The following GLIS3 variants were observed in gnomAD, a reference collection of about 807,000 sequenced individuals.
GLIS3 encodes GLIS family zinc finger 3, also known as zinc finger protein GLIS3.
Under a neutral mutation model 78.6 loss-of-function variants are expected in GLIS3, and 53 were observed. That is an observed-to-expected ratio of 0.67 (90% confidence interval 0.54 to 0.85). The LOEUF (loss-of-function observed/expected upper bound fraction) is 0.85, where lower values mean the gene tolerates loss of function less well. GLIS3 is among the 40% of genes least tolerant of loss of function. The probability of loss-of-function intolerance (pLI) is 0.00; values close to 1 mark genes in which losing one functional copy is unlikely to be tolerated. For missense variants in GLIS3, 1,703 were observed against 1,231.1 expected, an observed-to-expected ratio of 1.38 and a Z score of -5.74; for synonymous variants, 684 against 509.9, an observed-to-expected ratio of 1.34 and a Z score of -4.60.
chr9:3,889,043 G>C lies in GLIS3; in HGVS notation c.2129-9448C>G, dbSNP rs534505189. Reference sequence around the variant, plus strand: ...AATTTATGTGTCTAGGAGAGGCTTAGATTTTCGAAAACATAACCCTTGATA... The same window carrying C: ...AATTTATGTGTCTAGGAGAGGCTTACATTTTCGAAAACATAACCCTTGATA... On this transcript the variant is annotated intron_variant, in intron 7 of 10. Coordinates refer to ENST00000381971, the MANE Select transcript of GLIS3 (RefSeq NM_001042413.2). Among the ~76,000 whole-genome samples, 3 of 152,244 alleles carry C rather than the reference G, an allele frequency of 2.0e-5. No individual in the cohort carries two copies. The East Asian group carries it at 5.8e-4, about 29-fold the overall frequency.
chr9:4,269,539 C>T (rs1056566405), intron 2 of GLIS3, among the ~76,000 whole-genome samples: 2 of 152,164 alleles, frequency 1.3e-5, no homozygotes, highest in African/African-American at 4.8e-5. Context: ...AAACGATCTA[C>T]TTAAATCATC....
chr9:4,159,072 C>T (rs151037307), intron 2 of GLIS3, among the ~76,000 whole-genome samples: 3,230 of 147,674 alleles, frequency 0.022, 53 homozygotes, highest in Non-Finnish European at 0.03. Flanking sequence ...GCAATGTACT[C>T]GGCAAGGGAG....
chr9:4,363,172 C>G, the GLIS3 span, among the ~76,000 whole-genome samples: 99 of 152,238 alleles, frequency 6.5e-4, 1 homozygote, highest in African/African-American at 2.2e-3. Context: ...CATGTAATCT[C>G]AGCACTTTGG....
chr9:3,836,711 A>C (rs1451916157), intron 9 of GLIS3, among the ~76,000 whole-genome samples: 2 of 152,168 alleles, frequency 1.3e-5, no homozygotes, highest in Admixed American at 6.5e-5. Flanking sequence ...GGTATCCCCT[A>C]AGACCCAGCA....
chr9:4,485,356 T>C, the GLIS3 span, among the ~76,000 whole-genome samples: 3 of 152,094 alleles, frequency 2.0e-5, no homozygotes, highest in African/African-American at 7.2e-5. Flanking sequence ...CTTGGATTTC[T>C]GAGGACTGGC....
Position 4,118,767 on chromosome 9 carries a change from G to A in GLIS3, c.711C>T (p.Leu237=). ...GGCCATTCTGAGAGCCGTGGTTGGA[G>A]AGCGAAGGGAGGGCCCTGTAGCCCT... ...WSQGYRALPS[L]SNHGSQNGLD... is the part of the protein sequence containing the mutation. Residue 237 remains leucine (L), a synonymous_variant, in exon 4 of 11, where the codon CTC becomes CTT. Coordinates refer to ENST00000381971, the MANE Select transcript of GLIS3 (RefSeq NM_001042413.2). This position sits in a 1 kb window ranked among gnomAD's most constrained non-coding sequence, Gnocchi z 4.7. 1 of 1,613,290 alleles carries A rather than the reference G, an allele frequency of 6.2e-7. No individual in the cohort carries two copies. Among genetic ancestry groups the A allele is most frequent in the Non-Finnish European group, 8.5e-7 (1 of 1,180,026 alleles).
intron 1 of GLIS3, among the ~76,000 whole-genome samples, chr9:4,297,376 G>T (rs1036974849): frequency 6.6e-6 from 1 of 152,160 alleles, no homozygotes; most frequent in South Asian, 2.1e-4. Context: ...CGTCTCTGGG[G>T]CTCGGTTTCC....
intron 4 of GLIS3, among the ~76,000 whole-genome samples, chr9:3,962,326 T>G (rs1817622531): frequency 6.6e-6 from 1 of 151,998 alleles, no homozygotes; most frequent in African/African-American, 2.4e-5. Flanking sequence ...AATAATTGGC[T>G]GCAACTAAGT....
chr9:3,833,043 G>A (rs1285849243), intron 9 of GLIS3, among the ~76,000 whole-genome samples: 2 of 152,186 alleles, frequency 1.3e-5, no homozygotes, highest in African/African-American at 2.4e-5. Context: ...GGTTTGTGAT[G>A]TGGCAAAATA....
rs542326051 is a variant in GLIS3, at chr9:4,065,904, T to C, written c.1710+51864A>G. Among the ~76,000 whole-genome samples, 5 of 152,142 alleles carry C rather than the reference T, an allele frequency of 3.3e-5. No individual in the cohort carries two copies. In the South Asian group the frequency reaches 8.3e-4, roughly 25 times the overall value. On this transcript the variant is annotated intron_variant, in intron 4 of 10. Coordinates refer to ENST00000381971, the MANE Select transcript of GLIS3 (RefSeq NM_001042413.2). The stretch of plus-strand genomic sequence containing the variant: ...GCTAAGAAGACCGTAATTTTAAATA[T>C]AAGATTAAAACAAGGATAGGAAAAT...
intron 4 of GLIS3, among the ~76,000 whole-genome samples, chr9:4,076,169 A>C (rs1240481459): frequency 6.6e-6 from 1 of 152,240 alleles, no homozygotes; most frequent in Non-Finnish European, 1.5e-5. Context: ...ATACATTTTA[A>C]ATCTGTAGAG....
At chr9:4,003,616 C>G (rs1821295714) in intron 4 of GLIS3, among the ~76,000 whole-genome samples, 2 of 152,196 alleles carry the variant, frequency 1.3e-5, no homozygotes. Flanking sequence ...TTGAGTGTCT[C>G]TAAGTCTCTC....
intron 4 of GLIS3, among the ~76,000 whole-genome samples, chr9:3,985,693 A>G (rs952566660): frequency 6.6e-6 from 1 of 152,254 alleles, no homozygotes; most frequent in African/African-American, 2.4e-5. Flanking sequence ...GTAATAAAAA[A>G]TTTTAGCAAA....
chr9:3,968,353 G>C (rs1451902313), intron 4 of GLIS3, among the ~76,000 whole-genome samples: 2 of 152,058 alleles, frequency 1.3e-5, no homozygotes, highest in Non-Finnish European at 2.9e-5. Flanking sequence ...CAATACTCAT[G>C]GTAGCCTAAT....
At chr9:4,312,003 G>T (rs1222832439) in intron 2 of GLIS3, among the ~76,000 whole-genome samples, 1 of 152,200 alleles carries the variant, frequency 6.6e-6, no homozygotes, top group East Asian at 1.9e-4. Context: ...GTGGGAGGAG[G>T]AAGAGGAGCA....
chr9:3,894,719 A>AT (rs3061590), intron 7 of GLIS3, among the ~76,000 whole-genome samples: 9 of 151,266 alleles, frequency 5.9e-5, no homozygotes, highest in African/African-American at 1.7e-4. Flanking sequence ...CAAAACATCT[A>AT]TTTTTTTTTT....
At chr9:4,066,510 C>G (rs1309098231) in intron 4 of GLIS3, among the ~76,000 whole-genome samples, 1 of 152,210 alleles carries the variant, frequency 6.6e-6, no homozygotes, top group Non-Finnish European at 1.5e-5. Flanking sequence ...CCACTTCTCT[C>G]CCTACTACTC....
At chr9:4,078,388 G>C (rs186490639) in intron 4 of GLIS3, among the ~76,000 whole-genome samples, 13 of 125,580 alleles carry the variant, frequency 1.0e-4, no homozygotes, top group African/African-American at 3.9e-4. Context: ...TTCAGCAGGG[G>C]TTTGTCTGAC....
chr9:4,274,472 AC>A (rs1172230816), intron 2 of GLIS3, among the ~76,000 whole-genome samples: 1 of 152,082 alleles, frequency 6.6e-6, no homozygotes, highest in Non-Finnish European at 1.5e-5. Context: ...TATGGGGCAC[AC>A]ACACCCCACT....
Sources: gnomAD v4.1 joint callset for allele counts (sites outside exome capture counted in the v4.1 genomes callset) on GRCh38, gnomAD v4.1.1 for gene constraint, Gnocchi (gnomAD v3.1) non-coding constraint, MANE v1.5 for transcripts, NCBI Gene and HGNC (gene_info 2026-07-23, HGNC 2026-07-21) for gene names.